Variants in GPR137 observed in about 807,000 individuals in gnomAD.
GPR137 encodes integral membrane protein GPR137.
In GPR137, 20 loss-of-function variants were observed where a neutral mutation model predicts 38.9. That is an observed-to-expected ratio of 0.51 (90% confidence interval 0.36 to 0.75). The LOEUF is 0.75. Among genes scored for constraint, GPR137 ranks in the 30% least tolerant of loss-of-function variants. The probability of loss-of-function intolerance (pLI) is 0.00; values close to 1 mark genes in which losing one functional copy is unlikely to be tolerated. For synonymous variants in GPR137, 226 were observed against 235.8 expected (o/e 0.96, Z 0.38); for missense variants, 456 against 526.4 (o/e 0.87, Z 1.31).
Position 64,288,037 on chromosome 11 carries a change from G to C in GPR137, c.634-28G>C. On this transcript the variant is annotated intron_variant, in intron 3 of 6. Transcript: ENST00000438980. This position sits in a 1 kb window ranked among gnomAD's most constrained non-coding sequence, Gnocchi z 5.5. ...AGGAAGCTGGGAGCCTTCTCTCCCT[G>C]AGGGTCCTCTGTTGTTACCTGTGCC... is the stretch of plus-strand genomic sequence containing the variant. 5 of 1,607,054 alleles carry C rather than the reference G, an allele frequency of 3.1e-6. No individual in the cohort carries two copies. The highest frequency in any genetic ancestry group is 4.2e-6 in the Non-Finnish European group (5 of 1,179,936).
chr11:64,282,957 CG>C (rs1170833257), upstream of GPR137, among the ~76,000 whole-genome samples: 1 of 151,364 alleles, frequency 6.6e-6, no homozygotes, highest in Non-Finnish European at 1.5e-5. Flanking sequence ...TTCCCAGTTA[CG>C]TGGGAGGATC....
upstream of GPR137, among the ~76,000 whole-genome samples, chr11:64,274,713 C>A (rs1269326329): frequency 6.6e-6 from 1 of 151,916 alleles, no homozygotes; most frequent in Non-Finnish European, 1.5e-5. Context: ...CCCAGCTACT[C>A]AGGAGGCTGA....
rs2034460459 is a variant in GPR137, at chr11:64,288,861, A to AG, written c.1031+142dup. On this transcript the variant is annotated intron_variant, in intron 6 of 6. Coordinates refer to ENST00000438980, the MANE Select transcript of GPR137 (RefSeq NM_001170880.2). The surrounding 1 kb of genome is among the most constrained non-coding windows in gnomAD (Gnocchi z 5.5). Reference sequence around the variant, plus strand: ...TTTGCTTCCCCATCTGTACTAGGTGAGGTCCCCTGGGTTCCTATTGCTAAA... The same window carrying AG: ...TTTGCTTCCCCATCTGTACTAGGTGAGGGTCCCCTGGGTTCCTATTGCTAAA... The AG allele has an allele frequency of 7.6e-6, 11 of 1,440,526 alleles. No homozygotes were observed. The highest frequency in any genetic ancestry group is 1.0e-5 in the Non-Finnish European group (11 of 1,102,814). 89.2% of individuals were successfully genotyped at this position (1,440,526 alleles called of 1,614,324 possible). A position where few individuals can be genotyped will look rare whatever the true frequency, so the allele number is the denominator to read the frequency against.
upstream of GPR137, chr11:64,284,826 CG>C: frequency 6.6e-7 from 1 of 1,522,008 alleles, no homozygotes; most frequent in Non-Finnish European, 8.8e-7. Flanking sequence ...CAAGGCTCCT[CG>C]TCCGCATCCT....
chr11:64,275,152 G>A (rs543116214), upstream of GPR137, among the ~76,000 whole-genome samples: 3 of 151,948 alleles, frequency 2.0e-5, no homozygotes, highest in East Asian at 5.8e-4. Context: ...CAAGACCCTG[G>A]AGGAGTGAGG....
chr11:64,284,786 C>G (rs1165827598), upstream of GPR137: 3 of 1,530,584 alleles, frequency 2.0e-6, no homozygotes, highest in South Asian at 1.2e-5. Flanking sequence ...GCGGGGTCAA[C>G]CCGGCCCGGC....
In GPR137 at chr11:64,289,375, C is replaced by T; in HGVS notation, c.*179C>T. On this transcript the variant is annotated 3_prime_UTR_variant, in exon 7 of 7. Transcript: ENST00000438980. ...TGTGCCGTCCCCCTAGGATGGGGGG[C>T]ATGGCCCTGGCTGCCAGATGCCCAC... 1 of 1,563,098 alleles carries T rather than the reference C, an allele frequency of 6.4e-7. No individual in the cohort carries two copies. Among genetic ancestry groups the T allele is most frequent in the Non-Finnish European group, 8.7e-7 (1 of 1,153,636 alleles).
intron 2 of GPR137, chr11:64,276,760 G>A (rs2033096067): frequency 3.3e-6 from 2 of 600,000 alleles, no homozygotes; most frequent in Admixed American, 2.8e-5. Context: ...AAGGGAAGGG[G>A]TGTGGCTCCT....
At chr11:64,284,639 C>T, upstream of GPR137, 1 of 1,529,982 alleles carries the variant, frequency 6.5e-7, no homozygotes, top group Non-Finnish European at 8.7e-7. Context: ...ACCCCAAGCC[C>T]GATCTCGAGG....
At chr11:64,283,408 G>A (rs2033615899), upstream of GPR137, among the ~76,000 whole-genome samples, 1 of 152,224 alleles carries the variant, frequency 6.6e-6, no homozygotes, top group Non-Finnish European at 1.5e-5. Flanking sequence ...GCCAGTGCTG[G>A]GCACAGGGGT....
chr11:64,287,022 C>T lies in GPR137; in HGVS notation c.407+8C>T, dbSNP rs554059252. The T allele has an allele frequency of 2.0e-5, 33 of 1,612,774 alleles. No individual in the cohort carries two copies. The South Asian group carries it at 3.6e-4, about 18-fold the overall frequency. ...GGAGATGAGCCGAGGCTTGTAAGTA[C>T]TCGGGACACTGGTGGGCTCAGCCTC... On this transcript the variant is annotated splice_region_variant and intron_variant, in intron 2 of 6. Transcript: ENST00000438980.
upstream of GPR137, chr11:64,284,166 G>C: frequency 6.4e-7 from 1 of 1,561,336 alleles, no homozygotes; most frequent in Non-Finnish European, 8.7e-7. Context: ...GCAGGTGGAG[G>C]TGGTGGGGTA....
chr11:64,285,436 G>A, upstream of GPR137: 1 of 983,932 alleles, frequency 1.0e-6, no homozygotes, highest in Non-Finnish European at 1.2e-6. Context: ...GGGGGATTCG[G>A]GGCTCCGCGG....
upstream of GPR137, among the ~76,000 whole-genome samples, chr11:64,272,568 G>C (rs1161973551): frequency 6.6e-6 from 1 of 152,228 alleles, no homozygotes; most frequent in Non-Finnish European, 1.5e-5. Context: ...TCTGGAGACA[G>C]TGTCTGGAAC....
chr11:64,277,674 A>G (rs2135120861), intron 2 of GPR137, among the ~76,000 whole-genome samples: 1 of 152,280 alleles, frequency 6.6e-6, no homozygotes, highest in Admixed American at 6.5e-5. Flanking sequence ...CCTGAGCTCA[A>G]GTGATCCTCC....
At position 64,277,190 on chromosome 11, in the gene GPR137, C is replaced by G. The variant is rs532099482; in HGVS notation, c.-16+769C>G. The stretch of plus-strand genomic sequence containing the variant: ...GCAAGGGCTGGGTTTGGATCCTGCC[C>G]CTACCACATGCCGACCACACACAAT... On this transcript the variant is annotated intron_variant, in intron 2 of 2. Coordinates refer to the GPR137 transcript ENST00000538244. The G allele has an allele frequency of 5.1e-6, 3 of 587,834 alleles. No individual in the cohort carries two copies. In the African/African-American group the frequency reaches 5.6e-5, roughly 11 times the overall value. 36.4% of individuals were successfully genotyped at this position (587,834 alleles called of 1,614,324 possible). A position where few individuals can be genotyped will look rare whatever the true frequency, so the allele number is the denominator to read the frequency against.
At chr11:64,285,413 G>C, upstream of GPR137, 3 of 984,810 alleles carry the variant, frequency 3.0e-6, no homozygotes, top group Non-Finnish European at 3.6e-6. Flanking sequence ...CGGGGCGAGG[G>C]GCGGGCCCGC....
rs775046189 is a variant in GPR137 at position 64,289,358 on chromosome 11, C to G, written c.*162C>G. The G allele has an allele frequency of 1.3e-6, 2 of 1,587,360 alleles. No homozygotes were observed. The highest frequency in any genetic ancestry group is 1.7e-6 in the Non-Finnish European group (2 of 1,165,730). On this transcript the variant is annotated 3_prime_UTR_variant, in exon 7 of 7. Coordinates refer to ENST00000438980, the MANE Select transcript of GPR137 (RefSeq NM_001170880.2). ...TCCTGTCATAGTGAGCTTGTGCCGTCCCCCTAGGATGGGGGGCATGGCCCT... is the reference window on the plus strand; with the variant it reads ...TCCTGTCATAGTGAGCTTGTGCCGTGCCCCTAGGATGGGGGGCATGGCCCT...
At chr11:64,274,820 CA>C (rs968135554), upstream of GPR137, among the ~76,000 whole-genome samples, 84 of 135,646 alleles carry the variant, frequency 6.2e-4, no homozygotes, top group Non-Finnish European at 4.5e-4. Flanking sequence ...GACTCTGTCT[CA>C]AAAAAAAAAA....
Sources: gnomAD v4.1 joint callset for allele counts (sites outside exome capture counted in the v4.1 genomes callset) on GRCh38, gnomAD v4.1.1 for gene constraint, Gnocchi (gnomAD v3.1) non-coding constraint, MANE v1.5 for transcripts, NCBI Gene and HGNC (gene_info 2026-07-23, HGNC 2026-07-21) for gene names.